The following ADAMTS1 variants were observed in gnomAD, a reference collection of about 807,000 sequenced individuals.
The protein encoded by ADAMTS1 is ADAM metallopeptidase with thrombospondin type 1 motif 1.
In ADAMTS1, 19 loss-of-function variants were observed where a neutral mutation model predicts 87.9. That is an observed-to-expected ratio of 0.22 (90% CI 0.15 to 0.32). ADAMTS1 has a LOEUF of 0.32. ADAMTS1 is among the 10% of genes least tolerant of loss of function. The pLI is 1.00. For missense variants in ADAMTS1, 1,240 were observed against 1,259.1 expected (o/e 0.98, Z 0.23); for synonymous variants, 542 against 501.8 (o/e 1.08, Z -1.07).
chr21:26,845,051 T>C lies in ADAMTS1; in HGVS notation c.-97A>G, dbSNP rs998738806. ...AGCCTCGTTGGCCTGCTCTGGATTG[T>C]TAAAATTAACAATTTCTATTATTCG... On this transcript the variant is annotated 5_prime_UTR_variant, in exon 1 of 9. Coordinates refer to ENST00000284984, the MANE Select transcript of ADAMTS1 (RefSeq NM_006988.5). 1.5e-6 allele frequency: 2 copies of C among 1,340,166 alleles called. No individual in the cohort carries two copies. The highest frequency in any genetic ancestry group is 2.2e-5 in the South Asian group (1 of 44,526). 83.0% of individuals were successfully genotyped at this position (1,340,166 alleles called of 1,614,324 possible). A position where few individuals can be genotyped will look rare whatever the true frequency, so the allele number is the denominator to read the frequency against.
At chr21:26,838,418 A>G (rs8129724) in intron 8 of ADAMTS1, 21 bp downstream of exon 8, 25,185 of 1,613,710 alleles carry the variant, frequency 0.016, 310 homozygotes, top group African/African-American at 0.045. Context: ...AAGGTCTGCA[A>G]ATAGGTGTTT....
In ADAMTS1 at chr21:26,836,289, CCAAAAGTGTT is replaced by C. The variant is rs1568808363; in HGVS notation, c.*1280_*1289del. ...ACTTCAAAAAACAGACACACACATT[CCAAAAGTGTT>C]CTTTTATTTCTAGTAACATATATTG... On this transcript the variant is annotated 3_prime_UTR_variant, in exon 9 of 9. Coordinates refer to ENST00000284984, the MANE Select transcript of ADAMTS1 (RefSeq NM_006988.5). 6.6e-6 allele frequency: 1 copy of C among 152,270 alleles called. No individual in the cohort carries two copies. The highest frequency in any genetic ancestry group is 6.6e-5 in the Admixed American group (1 of 15,256). The allele number at this position is 152,270 out of a possible 1,614,324, so 9.4% of individuals were successfully genotyped here.
At position 26,841,124 on chromosome 21, in the gene ADAMTS1, C is replaced by T. The variant is rs372611140; in HGVS notation, c.1252G>A (p.Ala418Thr). ...TCCTGGTTCACACCATTAAGGCTGG[C>T]ACACTGCTTTGCATCATCATGTGGC... is the stretch of plus-strand genomic sequence containing the variant. ...NMPHDDAKQC[A>T]SLNGVNQDSH... Residue 418 changes from alanine (A) to threonine (T), a missense_variant, in exon 4 of 9, where the codon GCC becomes ACC. This residue lies in a region of ADAMTS1 where 317 missense variants were observed against 410.3 expected (regional missense o/e 0.77). Transcript: ENST00000284984. The T allele has an allele frequency of 2.5e-6, 4 of 1,614,188 alleles. No individual in the cohort carries two copies. Among genetic ancestry groups the T allele is most frequent in the Non-Finnish European group, 3.4e-6 (4 of 1,180,038 alleles).
intron 1 of ADAMTS1, chr21:26,843,157 C>CA: frequency 3.4e-6 from 1 of 290,314 alleles, no homozygotes; most frequent in East Asian, 9.3e-5. Context: ...TCTCAGACTG[C>CA]ACAGCTCTGC....
chr21:26,844,827 A>G lies in ADAMTS1; in HGVS notation c.128T>C (p.Leu43Pro). The G allele has an allele frequency of 6.4e-7, 1 of 1,552,338 alleles. No homozygotes were observed. Among genetic ancestry groups the G allele is most frequent in the Non-Finnish European group, 8.7e-7 (1 of 1,149,054 alleles). ...CCCGAGTGCGTCCGACACGGCCAGT[A>G]GCGCCGCGGCGAGCAGCAGCAGCGT... ...VPTLLLLAAA[L>P]LAVSDALGRP... The change falls in exon 1 of 9, where the codon CTA becomes CCA. Residue 43 changes from leucine to proline, a missense_variant. Transcript: ENST00000284984.
rs1985373267 is a variant in ADAMTS1 at position 26,836,799 on chromosome 21, G to A, written c.*780C>T. 6.6e-6 allele frequency: 1 copy of A among 152,246 alleles called. No individual in the cohort carries two copies. The highest frequency in any genetic ancestry group is 1.5e-5 in the Non-Finnish European group (1 of 68,040). The allele number at this position is 152,246 out of a possible 1,614,324, so 9.4% of individuals were successfully genotyped here. A position where few individuals can be genotyped will look rare whatever the true frequency, so the allele number is the denominator to read the frequency against. On this transcript the variant is annotated 3_prime_UTR_variant, in exon 9 of 9. Transcript: ENST00000284984. ...CAGGGTTACATGGTAGGAAAGAAAGGAAGTTGGAGGTACTAAGCTCATTGT... is the reference window on the plus strand; with the variant it reads ...CAGGGTTACATGGTAGGAAAGAAAGAAAGTTGGAGGTACTAAGCTCATTGT...
In ADAMTS1 at chr21:26,842,688, G is replaced by T; in HGVS notation, c.731-3C>A. Reference sequence around the variant, plus strand: ...CTTCTTTCTTATGCTTCCAGTTCCTGTAAAGAAAAAAAAAAGTTTGCTTAT... The same window carrying T: ...CTTCTTTCTTATGCTTCCAGTTCCTTTAAAGAAAAAAAAAAGTTTGCTTAT... On this transcript the variant is annotated splice_polypyrimidine_tract_variant and splice_region_variant and intron_variant, in intron 1 of 8. Transcript: ENST00000284984. 1 of 1,597,994 alleles carries T rather than the reference G, an allele frequency of 6.3e-7. No individual in the cohort carries two copies. The highest frequency in any genetic ancestry group is 8.5e-7 in the Non-Finnish European group (1 of 1,174,176).
rs1985524202 is a variant in ADAMTS1, at chr21:26,842,801, A to C, written c.731-116T>G. The C allele has an allele frequency of 5.4e-6, 4 of 740,162 alleles. No individual in the cohort carries two copies. The East Asian group carries it at 1.1e-4, about 20-fold the overall frequency. The allele number at this position is 740,162 out of a possible 1,614,324, so 45.8% of individuals were successfully genotyped here. Reference sequence around the variant, plus strand: ...GCAAACAAAGCAAAAATATACCCAGAACAACAATAACAAAAATATTTGCAT... The same window carrying C: ...GCAAACAAAGCAAAAATATACCCAGCACAACAATAACAAAAATATTTGCAT... On this transcript the variant is annotated intron_variant, in intron 1 of 8. Coordinates refer to ENST00000284984, the MANE Select transcript of ADAMTS1 (RefSeq NM_006988.5).
At position 26,838,071 on chromosome 21, in the gene ADAMTS1, G is replaced by A. The variant is rs1440438259; in HGVS notation, c.2412C>T (p.Ser804=). 7 of 1,614,170 alleles carry A rather than the reference G, an allele frequency of 4.3e-6. No individual in the cohort carries two copies. In the Admixed American group the frequency reaches 6.7e-5, roughly 15 times the overall value. ...TGCGAATTCTTTCCAATGCCGCAGAGGAGCCGCTGTACCTCAAGACAACAC... is the reference window on the plus strand; with the variant it reads ...TGCGAATTCTTTCCAATGCCGCAGAAGAGCCGCTGTACCTCAAGACAACAC... ...YKGVVLRYSG[S]SAALERIRSF... The change falls in exon 9 of 9, where the codon TCC becomes TCT. Residue 804 remains serine, a synonymous_variant. Coordinates refer to ENST00000284984, the MANE Select transcript of ADAMTS1 (RefSeq NM_006988.5).
intron 1 of ADAMTS1, chr21:26,843,465 C>T: frequency 2.1e-6 from 1 of 469,462 alleles, no homozygotes; most frequent in South Asian, 1.6e-5. Flanking sequence ...GAAAAAGGCA[C>T]CAAAGTGATG....
chr21:26,841,904 T>A lies in ADAMTS1; in HGVS notation c.1164A>T (p.Ile388=). Residue 388 remains isoleucine (I), a synonymous_variant, in exon 3 of 9, where the codon ATA becomes ATT. Transcript: ENST00000284984. The part of the protein sequence containing the change: ...VCDPSRSCSV[I]EDDGLQAAFT... The stretch of plus-strand genomic sequence containing the variant: ...AGGCAGCTTGTAAACCATCATCTTC[T>A]ATGACGGAGCAGCTTCTGCTCGGAT... The A allele has an allele frequency of 6.2e-7, 1 of 1,614,164 alleles. No homozygotes were observed. The highest frequency in any genetic ancestry group is 1.1e-5 in the South Asian group (1 of 91,066).
chr21:26,843,527 G>A (rs1285374528), intron 1 of ADAMTS1: 2 of 470,518 alleles, frequency 4.3e-6, no homozygotes, highest in Admixed American at 4.7e-5. Context: ...GCCGTAGCAG[G>A]AAGGACCGGC....
chr21:26,840,693 G>C, intron 4 of ADAMTS1, 131 bp from the exon 5 acceptor site: 1 of 1,056,736 alleles, frequency 9.5e-7, no homozygotes, highest in Non-Finnish European at 1.3e-6. Flanking sequence ...AAAGCTGGGG[G>C]AGGGAAATGC....
chr21:26,842,629 T>C lies in ADAMTS1; in HGVS notation c.787A>G (p.Met263Val). ...GCCATCGACTGGTCTGCCACAAGCA[T>C]GGTTTCCACATAGCGGTGACTGGAC... ...FVSSHRYVET[M>V]LVADQSMAEF... Residue 263 changes from methionine (M) to valine (V), a missense_variant, in exon 2 of 9, where the codon ATG (methionine) becomes GTG (valine). Met to Val is a conservative substitution (Grantham distance 21, BLOSUM62 1). This residue lies in a region of ADAMTS1 where 521 missense variants were observed against 449.7 expected (regional missense o/e 1.16). Coordinates refer to ENST00000284984, the MANE Select transcript of ADAMTS1 (RefSeq NM_006988.5). The C allele has an allele frequency of 6.2e-7, 1 of 1,614,068 alleles. No homozygotes were observed. Among genetic ancestry groups the C allele is most frequent in the Non-Finnish European group, 8.5e-7 (1 of 1,180,030 alleles).
Position 26,845,102 on chromosome 21 carries a change from C to G in ADAMTS1, c.-148G>C. 1 of 1,135,692 alleles carries G rather than the reference C, an allele frequency of 8.8e-7. No individual in the cohort carries two copies. Among genetic ancestry groups the G allele is most frequent in the Non-Finnish European group, 1.1e-6 (1 of 881,506 alleles). 70.4% of individuals were successfully genotyped at this position (1,135,692 alleles called of 1,614,324 possible). ...TTGGAAGGGCGCGCAGAGCCGGCTACAGCCGAAGCTCCCGGAGTCACTAAA... is the reference window on the plus strand; with the variant it reads ...TTGGAAGGGCGCGCAGAGCCGGCTAGAGCCGAAGCTCCCGGAGTCACTAAA... On this transcript the variant is annotated 5_prime_UTR_variant, in exon 1 of 9. Coordinates refer to ENST00000284984, the MANE Select transcript of ADAMTS1 (RefSeq NM_006988.5).
At position 26,839,434 on chromosome 21, in the gene ADAMTS1, G is replaced by A. The variant is rs113353406; in HGVS notation, c.2028+153C>T. On this transcript the variant is annotated intron_variant, in intron 7 of 8. Coordinates refer to ENST00000284984, the MANE Select transcript of ADAMTS1 (RefSeq NM_006988.5). Reference sequence around the variant, plus strand: ...ACTGAAAACACTAAACTCAAAGCAGGCAGTTGCCAATTAATGTAAAAGAAA... The same window carrying A: ...ACTGAAAACACTAAACTCAAAGCAGACAGTTGCCAATTAATGTAAAAGAAA... 2,505 of 672,160 alleles carry A rather than the reference G, an allele frequency of 3.7e-3. 51 individuals are homozygous for A. The African/African-American group carries it at 0.038, about 10-fold the overall frequency. 41.6% of individuals were successfully genotyped at this position (672,160 alleles called of 1,614,324 possible). A position where few individuals can be genotyped will look rare whatever the true frequency, so the allele number is the denominator to read the frequency against.
chr21:26,844,160 G>T (rs1242284751), intron 1 of ADAMTS1, 65 bp downstream of exon 1: 1 of 1,499,022 alleles, frequency 6.7e-7, no homozygotes, highest in Non-Finnish European at 8.9e-7. Flanking sequence ...CCCTGAAGTC[G>T]CGTGGGATAG....
chr21:26,845,085 G>T lies in ADAMTS1; in HGVS notation c.-131C>A. 1 of 1,221,286 alleles carries T rather than the reference G, an allele frequency of 8.2e-7. No individual in the cohort carries two copies. The highest frequency in any genetic ancestry group is 1.0e-6 in the Non-Finnish European group (1 of 956,992). The allele number at this position is 1,221,286 out of a possible 1,614,324, so 75.7% of individuals were successfully genotyped here. A position where few individuals can be genotyped will look rare whatever the true frequency, so the allele number is the denominator to read the frequency against. On this transcript the variant is annotated 5_prime_UTR_variant, in exon 1 of 9. Transcript: ENST00000284984. Reference sequence around the variant, plus strand: ...ACAATTTCTATTATTCGTTGGAAGGGCGCGCAGAGCCGGCTACAGCCGAAG... The same window carrying T: ...ACAATTTCTATTATTCGTTGGAAGGTCGCGCAGAGCCGGCTACAGCCGAAG...
chr21:26,840,458 C>T lies in ADAMTS1; in HGVS notation c.1483G>A (p.Asp495Asn). ...GCTGCATCGGGGCAGTGTTTGGAGT[C>T]CTCCCCAAATGTAAACTGGCACTGC... Reference protein sequence around the residue: ...NRQCQFTFGEDSKHCPDAAST... With the variant: ...NRQCQFTFGENSKHCPDAAST... The change falls in exon 5 of 9, where the codon GAC becomes AAC. Residue 495 changes from aspartate (D) to asparagine (N), a missense_variant. By Grantham distance (23) the Asp-to-Asn change is conservative. Transcript: ENST00000284984. The T allele has an allele frequency of 1.2e-6, 2 of 1,614,110 alleles. No homozygotes were observed. The highest frequency in any genetic ancestry group is 1.1e-5 in the South Asian group (1 of 91,076).
Sources: allele counts gnomAD v4.1 joint callset, GRCh38; gene constraint gnomAD v4.1.1; regional missense constraint gnomAD v4.1.1; transcripts MANE v1.5; gene names NCBI Gene and HGNC (gene_info 2026-07-23, HGNC 2026-07-21).